ZNF564: variants seen among roughly 807,000 people sequenced by gnomAD.
The protein encoded by ZNF564 is zinc finger protein 564.
In ZNF564, 5 loss-of-function variants were observed where a neutral mutation model predicts 10.5. That is an observed-to-expected ratio of 0.48 (90% confidence interval 0.25 to 1.00). ZNF564 has a LOEUF of 1.00. ZNF564 is among the 50% of genes least tolerant of loss of function. ZNF564 has a pLI of 0.16. For missense variants in ZNF564, 603 were observed against 669.7 expected (o/e 0.90, Z 1.10); for synonymous variants, 242 against 218.1 (o/e 1.11, Z -0.97).
chr19:12,528,269 A>G, intron 3 of ZNF564, 35 bp downstream of exon 3: 1 of 1,568,884 alleles, frequency 6.4e-7, no homozygotes, highest in Non-Finnish European at 8.7e-7. Context: ...CATACTAAGA[A>G]GGAGACATTG....
At chr19:12,534,514 A>G (rs904536089) in intron 1 of ZNF564, among the ~76,000 whole-genome samples, 3 of 152,192 alleles carry the variant, frequency 2.0e-5, no homozygotes, top group Non-Finnish European at 4.4e-5. Flanking sequence ...TCAGTTTCTT[A>G]TAAAACTAAA....
At chr19:12,530,305 G>A (rs74931926) in intron 1 of ZNF564, 11,494 of 152,186 alleles carry the variant, frequency 0.076, 644 homozygotes, top group Non-Finnish European at 0.11. Flanking sequence ...CTTTGACTCT[G>A]TCCCATTTCA....
chr19:12,549,025 A>T, intron 1 of ZNF564, among the ~76,000 whole-genome samples: 1 of 151,582 alleles, frequency 6.6e-6, no homozygotes, highest in East Asian at 1.9e-4. Context: ...TTGATCTGAA[A>T]TCACCCAAAA....
At chr19:12,537,280 C>CTA (rs2021934156) in intron 1 of ZNF564, among the ~76,000 whole-genome samples, 1 of 152,144 alleles carries the variant, frequency 6.6e-6, no homozygotes, top group South Asian at 2.1e-4. Flanking sequence ...TGATCATGTA[C>CTA]TATGTGATTA....
At chr19:12,544,492 T>C (rs2022115695) in intron 1 of ZNF564, among the ~76,000 whole-genome samples, 1 of 152,162 alleles carries the variant, frequency 6.6e-6, no homozygotes. Context: ...TTAATACAGT[T>C]TCCAGTTCTA....
chr19:12,548,215 ATTCTT>A, intron 1 of ZNF564: 1 of 820,826 alleles, frequency 1.2e-6, no homozygotes, highest in South Asian at 5.6e-5. Context: ...AGACATTTGT[ATTCTT>A]TTTTTTTTTT....
At position 12,526,673 on chromosome 19, in the gene ZNF564, A is replaced by G. The variant is rs769098112; in HGVS notation, c.1435T>C (p.Cys479Arg). Reference sequence around the variant, plus strand: ...TTGAATGCTTTCCCACATTCTTTACATTCATAGGGTTTTTCTCCAGTATGA... The same window carrying G: ...TTGAATGCTTTCCCACATTCTTTACGTTCATAGGGTTTTTCTCCAGTATGA... ...RTHTGEKPYE[C>R]KECGKAFNYA... The change falls in exon 4 of 4, where the codon TGT becomes CGT. Residue 479 changes from cysteine to arginine, a missense_variant. Cys to Arg is a radical substitution (Grantham distance 180). Coordinates refer to ENST00000339282, the MANE Select transcript of ZNF564 (RefSeq NM_144976.4). 6.2e-7 allele frequency: 1 copy of G among 1,614,138 alleles called. No individual in the cohort carries two copies. The highest frequency in any genetic ancestry group is 1.1e-5 in the South Asian group (1 of 91,078).
chr19:12,528,690 C>T lies in ZNF564; in HGVS notation c.10G>A (p.Val4Met), dbSNP rs1192129194. ...TTCACAGCCACATCCTCAGAGGCCA[C>T]TGAGTCCTAAAACATCCCAAATATG... Reference protein sequence around the residue: MDSVASEDVAVNFT... With the variant: MDSMASEDVAVNFT... Residue 4 changes from valine (V) to methionine (M), a missense_variant, in exon 2 of 4, where the codon GTG (valine) becomes ATG (methionine). Physicochemically the swap from Val to Met is conservative, Grantham distance 21. Coordinates refer to ENST00000339282, the MANE Select transcript of ZNF564 (RefSeq NM_144976.4). 2.5e-6 allele frequency: 4 copies of T among 1,611,336 alleles called. No individual in the cohort carries two copies. In the South Asian group the frequency reaches 3.3e-5, roughly 13 times the overall value.
At chr19:12,548,913 T>G (rs539651204) in intron 1 of ZNF564, 6 of 700,966 alleles carry the variant, frequency 8.6e-6, no homozygotes, top group South Asian at 3.0e-5. Context: ...CCAATTAATG[T>G]GGAAATGTAT....
chr19:12,543,689 A>AAAAAAAAC (rs1568266666), intron 1 of ZNF564, among the ~76,000 whole-genome samples: 1 of 150,110 alleles, frequency 6.7e-6, no homozygotes, highest in Non-Finnish European at 1.5e-5. Flanking sequence ...AAAAAAAAAA[A>AAAAAAAAC]AAAAAAACAA....
chr19:12,540,749 G>C (rs911969563), intron 1 of ZNF564, among the ~76,000 whole-genome samples: 9 of 152,168 alleles, frequency 5.9e-5, no homozygotes, highest in African/African-American at 2.2e-4. Flanking sequence ...AGCTACTCGG[G>C]AGGCTGAGGC....
intron 1 of ZNF564, among the ~76,000 whole-genome samples, chr19:12,529,349 T>C (rs1050801345): frequency 1.3e-5 from 2 of 152,108 alleles, no homozygotes; most frequent in Non-Finnish European, 2.9e-5. Context: ...CTCACACCTG[T>C]AATCCCAGCA....
intron 1 of ZNF564, among the ~76,000 whole-genome samples, chr19:12,532,165 A>G (rs953025688): frequency 6.6e-6 from 1 of 151,912 alleles, no homozygotes; most frequent in Non-Finnish European, 1.5e-5. Context: ...AATGCGCTAT[A>G]ATTTATTGTG....
At chr19:12,538,503 G>A (rs1034138738) in intron 1 of ZNF564, among the ~76,000 whole-genome samples, 1 of 152,082 alleles carries the variant, frequency 6.6e-6, no homozygotes, top group Non-Finnish European at 1.5e-5. Context: ...GTGGGCACCT[G>A]TAATCCCAGC....
intron 1 of ZNF564, among the ~76,000 whole-genome samples, chr19:12,549,110 T>C (rs964138739): frequency 2.0e-5 from 3 of 152,204 alleles, no homozygotes; most frequent in African/African-American, 7.2e-5. Flanking sequence ...TTTTAACAAA[T>C]TGAATGTAAG....
chr19:12,526,044 T>C lies in ZNF564; in HGVS notation c.*402A>G, dbSNP rs545266189. 2 of 163,370 alleles carry C rather than the reference T, an allele frequency of 1.2e-5. No individual in the cohort carries two copies. Among genetic ancestry groups the C allele is most frequent in the African/African-American group, 4.8e-5 (2 of 41,674 alleles). 10.1% of individuals were successfully genotyped at this position (163,370 alleles called of 1,614,324 possible). ...TTCAACATATGAATCTGAGGTGGCA[T>C]ACACTCAGCCAAAACATTACACCTC... On this transcript the variant is annotated 3_prime_UTR_variant, in exon 4 of 4. Transcript: ENST00000339282.
rs536124739 is a variant in ZNF564, at chr19:12,526,569, C to A, written c.1539G>T (p.Thr513=). The change falls in exon 4 of 4, where the codon ACG becomes ACT. Residue 513 remains threonine (T), a synonymous_variant. Coordinates refer to ENST00000339282, the MANE Select transcript of ZNF564 (RefSeq NM_144976.4). ...TTTGAAAGGAACTGGAATAACTGAACGTTTTTCCACATTGCTTACATTCAT... is the reference window on the plus strand; with the variant it reads ...TTTGAAAGGAACTGGAATAACTGAAAGTTTTTCCACATTGCTTACATTCAT... ...KPYECKQCGK[T]FSYSSSFQRH... is the part of the protein sequence containing the mutation. 6.2e-7 allele frequency: 1 copy of A among 1,614,088 alleles called. No individual in the cohort carries two copies. Among genetic ancestry groups the A allele is most frequent in the Non-Finnish European group, 8.5e-7 (1 of 1,180,022 alleles).
At position 12,526,615 on chromosome 19, in the gene ZNF564, GTTCT is replaced by G; in HGVS notation, c.1489_1492del (p.Arg497LeufsTer37). 1 of 1,614,110 alleles carries G rather than the reference GTTCT, an allele frequency of 6.2e-7. No homozygotes were observed. Among genetic ancestry groups the G allele is most frequent in the Non-Finnish European group, 8.5e-7 (1 of 1,180,034 alleles). On this transcript the variant is annotated frameshift_variant, in exon 4 of 4. Coordinates refer to ENST00000339282, the MANE Select transcript of ZNF564 (RefSeq NM_144976.4). LOFTEE classifies it low-confidence loss of function (END_TRUNC). ...TTCATAGGGTTTTTCTCCGGTATGA[GTTCT>G]TTCATGTATTCTAATGGAACTGGCA... is the stretch of plus-strand genomic sequence containing the variant.
At chr19:12,548,442 C>G (rs528485797) in intron 1 of ZNF564, among the ~76,000 whole-genome samples, 1 of 152,008 alleles carries the variant, frequency 6.6e-6, no homozygotes, top group South Asian at 2.1e-4. Flanking sequence ...GTTTCCATCT[C>G]CTGACCTTGT....
Sources: allele counts gnomAD v4.1 joint callset (sites outside exome capture counted in the v4.1 genomes callset), GRCh38; gene constraint gnomAD v4.1.1; transcripts MANE v1.5; gene names NCBI Gene and HGNC (gene_info 2026-07-23, HGNC 2026-07-21).